Variants in PROM1 observed in about 807,000 individuals in gnomAD.
The protein encoded by PROM1 is prominin-1.
A neutral mutation model predicts 116.9 loss-of-function variants in PROM1; 105 were observed. The observed-to-expected ratio is 0.90, with a 90% CI of 0.77 to 1.06. PROM1 has a LOEUF of 1.06. PROM1 is among the 50% of genes least tolerant of loss of function. The pLI is 0.00. For synonymous variants in PROM1, 393 were observed against 387.0 expected (o/e 1.02, Z -0.18); for missense variants, 1,122 against 1,045.2 (o/e 1.07, Z -1.01).
chr4:16,065,550 T>C (rs932561831), intron 2 of PROM1, among the ~76,000 whole-genome samples: 1 of 152,146 alleles, frequency 6.6e-6, no homozygotes, highest in Non-Finnish European at 1.5e-5. Context: ...CTCAGCTGAA[T>C]GTCAGCTTTT....
At chr4:16,051,612 C>T (rs1737912934) in intron 2 of PROM1, among the ~76,000 whole-genome samples, 1 of 152,152 alleles carries the variant, frequency 6.6e-6, no homozygotes, top group Non-Finnish European at 1.5e-5. Flanking sequence ...ACACGTAAGG[C>T]CTCATCAGGA....
At chr4:16,038,564 G>A (rs1382919445) in intron 3 of PROM1, among the ~76,000 whole-genome samples, 1 of 152,002 alleles carries the variant, frequency 6.6e-6, no homozygotes, top group Non-Finnish European at 1.5e-5. Flanking sequence ...CACCACGCCC[G>A]GCTAATTTTT....
At chr4:16,075,090 C>T (rs935721120) in intron 2 of PROM1, among the ~76,000 whole-genome samples, 3 of 151,972 alleles carry the variant, frequency 2.0e-5, no homozygotes, top group African/African-American at 4.8e-5. Context: ...ATTAAGAAGG[C>T]GAAAATGACA....
chr4:15,987,784 TC>T (rs1719838627), intron 19 of PROM1, 68 bp from the exon 20 acceptor site: 1 of 1,313,160 alleles, frequency 7.6e-7, no homozygotes, highest in Non-Finnish European at 1.1e-6. Flanking sequence ...CCTTGTGTCC[TC>T]CCTTCCCACA....
intron 9 of PROM1, 43 bp downstream of exon 9, chr4:16,018,280 C>G (rs1437175740): frequency 6.3e-7 from 1 of 1,591,144 alleles, no homozygotes; most frequent in Admixed American, 1.7e-5. Flanking sequence ...CCGGCAATCC[C>G]CAGCATGCAG....
intron 23 of PROM1, among the ~76,000 whole-genome samples, chr4:15,982,494 T>C (rs1718222199): frequency 6.6e-6 from 1 of 152,198 alleles, no homozygotes; most frequent in African/African-American, 2.4e-5. Flanking sequence ...AAAATAAACA[T>C]GTTAGCTAGC....
At chr4:16,060,967 C>T (rs758727702) in intron 2 of PROM1, among the ~76,000 whole-genome samples, 5 of 152,214 alleles carry the variant, frequency 3.3e-5, no homozygotes, top group Admixed American at 1.3e-4. Context: ...GTCTGCATCA[C>T]ACAAAGTGTT....
intron 2 of PROM1, among the ~76,000 whole-genome samples, chr4:16,054,373 G>A (rs969499891): frequency 6.6e-6 from 1 of 152,128 alleles, no homozygotes; most frequent in African/African-American, 2.4e-5. Context: ...TCAGGCTTTG[G>A]AGTCAGAGTG....
At chr4:15,975,246 G>C (rs1345168980) in intron 26 of PROM1, among the ~76,000 whole-genome samples, 1 of 152,140 alleles carries the variant, frequency 6.6e-6, no homozygotes, top group Non-Finnish European at 1.5e-5. Flanking sequence ...TTGAGACGGA[G>C]TCTCACTCTG....
chr4:16,082,904 G>C (rs1745305186), intron 1 of PROM1, among the ~76,000 whole-genome samples: 2 of 151,964 alleles, frequency 1.3e-5, no homozygotes, highest in African/African-American at 4.8e-5. Flanking sequence ...CCTCTTTGTT[G>C]TCCGGTCGGC....
At position 16,024,278 on chromosome 4, in the gene PROM1, C is replaced by T. The variant is rs774139580; in HGVS notation, c.694+17G>A. 6.2e-7 allele frequency: 1 copy of T among 1,607,692 alleles called. No homozygotes were observed. Among genetic ancestry groups the T allele is most frequent in the Non-Finnish European group, 8.5e-7 (1 of 1,174,830 alleles). On this transcript the variant is annotated intron_variant, in intron 7 of 27. Transcript: ENST00000447510. The stretch of plus-strand genomic sequence containing the variant: ...AACAAAGAAAAAAAATGTGAAGCAA[C>T]TTTAAATTTTACTCACTGTTCAGAT...
Position 16,013,179 on chromosome 4 carries a change from G to A in PROM1, c.1141+96C>T. ...GTTTTGACAGCTTTAATGAGAAACT[G>A]TTTTTTTAAGAGGAAAAGAACAATG... On this transcript the variant is annotated intron_variant, in intron 11 of 27. Transcript: ENST00000447510. The A allele has an allele frequency of 1.0e-5, 10 of 995,610 alleles. No homozygotes were observed. The South Asian group carries it at 1.4e-4, about 14-fold the overall frequency. The allele number at this position is 995,610 out of a possible 1,614,324, so 61.7% of individuals were successfully genotyped here. A position where few individuals can be genotyped will look rare whatever the true frequency, so the allele number is the denominator to read the frequency against.
chr4:15,975,642 A>T (rs1345695248), intron 26 of PROM1, among the ~76,000 whole-genome samples: 1 of 152,136 alleles, frequency 6.6e-6, no homozygotes, highest in African/African-American at 2.4e-5. Flanking sequence ...GACCCCTGGG[A>T]CCTCTAGGAG....
chr4:16,047,465 A>G (rs35734357), intron 2 of PROM1, among the ~76,000 whole-genome samples: 2,065 of 152,202 alleles, frequency 0.014, 23 homozygotes, highest in Non-Finnish European at 0.021. Context: ...TCAGCCTCCC[A>G]AAGTGCTGGA....
chr4:15,992,698 G>C (rs926482510), intron 16 of PROM1, among the ~76,000 whole-genome samples: 1 of 152,124 alleles, frequency 6.6e-6, no homozygotes, highest in African/African-American at 2.4e-5. Context: ...TCTCTTCCTG[G>C]TACTTCCCAT....
At chr4:16,056,179 G>GC (rs1560584828) in intron 2 of PROM1, among the ~76,000 whole-genome samples, 1 of 152,136 alleles carries the variant, frequency 6.6e-6, no homozygotes, top group African/African-American at 2.4e-5. Flanking sequence ...TGGCACAGTC[G>GC]CAATTGTTTC....
chr4:16,073,155 C>A (rs113941022), intron 2 of PROM1, among the ~76,000 whole-genome samples: 3,046 of 152,258 alleles, frequency 0.02, 55 homozygotes, highest in Middle Eastern at 0.088. Flanking sequence ...ATCTGGCCAG[C>A]AGGCACGAAG....
At chr4:16,025,041 T>G (rs1171406119) in intron 6 of PROM1, 151 bp downstream of exon 6, 2 of 980,050 alleles carry the variant, frequency 2.0e-6, no homozygotes, top group Non-Finnish European at 1.4e-6. Context: ...TCCAGGGCTT[T>G]ATTTATTCAT....
At chr4:15,973,284 T>A (rs140699024) in intron 26 of PROM1, among the ~76,000 whole-genome samples, 57 of 152,258 alleles carry the variant, frequency 3.7e-4, no homozygotes, top group African/African-American at 1.3e-3. Flanking sequence ...CCATCTCTAC[T>A]AATAACAGAA....
Sources: allele counts gnomAD v4.1 joint callset (sites outside exome capture counted in the v4.1 genomes callset), GRCh38; gene constraint gnomAD v4.1.1; transcripts MANE v1.5; gene names NCBI Gene and HGNC (gene_info 2026-07-23, HGNC 2026-07-21).